The following PRTG variants were observed in gnomAD, a reference collection of about 807,000 sequenced individuals.
PRTG encodes immunoglobulin superfamily, DCC subclass, member 5.
Under a neutral mutation model 122.5 loss-of-function variants are expected in PRTG, and 67 were observed. That is an observed-to-expected ratio of 0.55 (90% CI 0.45 to 0.67). PRTG has a LOEUF of 0.67. Among genes scored for constraint, PRTG ranks in the 30% least tolerant of loss-of-function variants. The pLI, the probability that PRTG is intolerant of heterozygous loss-of-function variation, is 0.00. For synonymous variants in PRTG, 554 were observed against 501.1 expected (o/e 1.11, Z -1.41); for missense variants, 1,435 against 1,415.4 (o/e 1.01, Z -0.22).
chr15:55,620,639 A>AT, intron 19 of PRTG, 24 bp downstream of exon 19: 1 of 1,562,050 alleles, frequency 6.4e-7, no homozygotes, highest in Non-Finnish European at 8.6e-7. Context: ...ATTGCCAAAA[A>AT]TTTTTCTCAT....
intron 2 of PRTG, among the ~76,000 whole-genome samples, chr15:55,721,030 T>C (rs1445198208): frequency 6.6e-6 from 1 of 152,066 alleles, no homozygotes; most frequent in African/African-American, 2.4e-5. Context: ...TTCCCTACAT[T>C]TGCTTCTCCT....
chr15:55,630,211 C>T (rs547985764), intron 15 of PRTG, among the ~76,000 whole-genome samples: 90 of 152,308 alleles, frequency 5.9e-4, no homozygotes, highest in Admixed American at 4.4e-3. Context: ...TGGTCTCGAT[C>T]TCCTGCCCTC....
chr15:55,621,779 A>G (rs1162834257), intron 18 of PRTG, among the ~76,000 whole-genome samples: 2 of 152,224 alleles, frequency 1.3e-5, no homozygotes, highest in Non-Finnish European at 2.9e-5. Context: ...TCCAAAACAC[A>G]TTAAGATACA....
intron 8 of PRTG, among the ~76,000 whole-genome samples, chr15:55,676,274 T>G: frequency 1.0e-5 from 1 of 99,284 alleles, no homozygotes; most frequent in African/African-American, 6.3e-5. Flanking sequence ...CACAGTGAGT[T>G]TTTTTTTTTA....
chr15:55,709,255 C>T (rs1280838401), intron 2 of PRTG, among the ~76,000 whole-genome samples: 3 of 142,206 alleles, frequency 2.1e-5, no homozygotes, highest in Non-Finnish European at 4.5e-5. Context: ...AGTGAAAGGA[C>T]ATGGACATGA....
chr15:55,687,481 T>C (rs2059576748), intron 2 of PRTG, among the ~76,000 whole-genome samples: 1 of 152,208 alleles, frequency 6.6e-6, no homozygotes, highest in Non-Finnish European at 1.5e-5. Context: ...ATCTAACCAA[T>C]CAAACAATAT....
Position 55,679,950 on chromosome 15 carries a change from A to G in PRTG, c.973+104T>C, listed in dbSNP as rs945561382. 3.2e-4 allele frequency: 259 copies of G among 819,090 alleles called. 2 individuals are homozygous for G. Among genetic ancestry groups the G allele is most frequent in the South Asian group, 1.2e-4 (6 of 50,236 alleles). 50.7% of individuals were successfully genotyped at this position (819,090 alleles called of 1,614,324 possible). A position where few individuals can be genotyped will look rare whatever the true frequency, so the allele number is the denominator to read the frequency against. On this transcript the variant is annotated intron_variant, in intron 6 of 19. Coordinates refer to ENST00000389286, the MANE Select transcript of PRTG (RefSeq NM_173814.6). ...ATTCATCATTTGATTACAATACTTC[A>G]TATCAATGCTACAAAGCTCAAGAAA...
Position 55,680,143 on chromosome 15 carries a change from C to A in PRTG, c.884G>T (p.Arg295Met), listed in dbSNP as rs775218622. The A allele has an allele frequency of 1.2e-6, 2 of 1,612,736 alleles. No homozygotes were observed. Among genetic ancestry groups the A allele is most frequent in the Admixed American group, 3.3e-5 (2 of 59,978 alleles). The change falls in exon 6 of 20, where the codon AGG (arginine) becomes ATG (methionine). Residue 295 changes from arginine (R) to methionine (M), a missense_variant. By Grantham distance (91) the Arg-to-Met change is moderately conservative. Transcript: ENST00000389286. ...AACATATACTCCAGCATGTTGTAGC[C>A]TGACATCAGATATCATGAGATTACC... ...GNGNLMISDV[R>M]LQHAGVYVCR...
At chr15:55,696,088 A>C (rs905982924) in intron 2 of PRTG, among the ~76,000 whole-genome samples, 3 of 152,048 alleles carry the variant, frequency 2.0e-5, no homozygotes, top group Non-Finnish European at 4.4e-5. Context: ...TGGGGAACAC[A>C]GGGAGATCCC....
intron 2 of PRTG, among the ~76,000 whole-genome samples, chr15:55,723,983 C>T (rs1001666474): frequency 6.6e-6 from 1 of 152,090 alleles, no homozygotes; most frequent in Admixed American, 6.6e-5. Flanking sequence ...GAACTCCTGA[C>T]CTCATGATCC....
intron 11 of PRTG, among the ~76,000 whole-genome samples, chr15:55,669,873 C>G (rs991697179): frequency 9.8e-5 from 15 of 152,320 alleles, no homozygotes; most frequent in Non-Finnish European, 1.8e-4. Context: ...AGGAAACATG[C>G]AGCTATTTTA....
At chr15:55,643,656 T>C (rs987154759) in intron 11 of PRTG, among the ~76,000 whole-genome samples, 10 of 151,570 alleles carry the variant, frequency 6.6e-5, no homozygotes, top group African/African-American at 2.4e-4. Context: ...ACTCCTGCAC[T>C]CAAGCTATCT....
intron 11 of PRTG, among the ~76,000 whole-genome samples, chr15:55,642,551 T>C (rs1379182091): frequency 1.4e-5 from 2 of 146,364 alleles, no homozygotes; most frequent in South Asian, 4.3e-4. Flanking sequence ...TGAGCCAATA[T>C]TGTACCACTG....
rs1168502875 is a variant in PRTG, at chr15:55,618,948, TA to T, written c.*1063del. ...CTGTTGCATTTACCTTCATTCTTAATAGTTCATGAAATGTCTTCACTCCTTT... is the reference window on the plus strand; with the variant it reads ...CTGTTGCATTTACCTTCATTCTTAATGTTCATGAAATGTCTTCACTCCTTT... On this transcript the variant is annotated 3_prime_UTR_variant, in exon 20 of 20. Coordinates refer to ENST00000389286, the MANE Select transcript of PRTG (RefSeq NM_173814.6). The T allele has an allele frequency of 2.0e-5, 3 of 152,192 alleles. No homozygotes were observed. The highest frequency in any genetic ancestry group is 4.4e-5 in the Non-Finnish European group (3 of 68,030). The allele number at this position is 152,192 out of a possible 1,614,324, so 9.4% of individuals were successfully genotyped here.
intron 15 of PRTG, among the ~76,000 whole-genome samples, chr15:55,630,441 A>T (rs1165520619): frequency 1.3e-5 from 2 of 152,202 alleles, no homozygotes; most frequent in Non-Finnish European, 2.9e-5. Context: ...TTATTGTCAC[A>T]GATTCAAGAT....
At chr15:55,687,319 C>A (rs551177946) in intron 2 of PRTG, among the ~76,000 whole-genome samples, 1 of 152,112 alleles carries the variant, frequency 6.6e-6, no homozygotes. Context: ...TCTATCCCTC[C>A]CATACCAAAG....
Position 55,612,414 on chromosome 15 carries a change from T to C in PRTG, c.*7598A>G, listed in dbSNP as rs993284607. 2.0e-5 allele frequency: 3 copies of C among 151,808 alleles called. No individual in the cohort carries two copies. Among genetic ancestry groups the C allele is most frequent in the African/African-American group, 7.3e-5 (3 of 41,304 alleles). The allele number at this position is 151,808 out of a possible 1,614,324, so 9.4% of individuals were successfully genotyped here. On this transcript the variant is annotated 3_prime_UTR_variant, in exon 20 of 20. Coordinates refer to ENST00000389286, the MANE Select transcript of PRTG (RefSeq NM_173814.6). ...AAATCTGCAAAGCTGTTCAGAATAG[T>C]ATATGGATAAGAAAAAAGGGAAAAT...
At chr15:55,663,774 T>A (rs112344487) in intron 11 of PRTG, among the ~76,000 whole-genome samples, 1,668 of 152,234 alleles carry the variant, frequency 0.011, 33 homozygotes, top group African/African-American at 0.038. Context: ...GCTCCTGACC[T>A]CAGGTGATCC....
At chr15:55,682,234 C>G (rs1486023440) in intron 4 of PRTG, 130 bp downstream of exon 4, 6 of 751,122 alleles carry the variant, frequency 8.0e-6, no homozygotes, top group African/African-American at 3.7e-5. Context: ...TAAAAATGAC[C>G]ATTTTCCAAA....
Sources: gnomAD v4.1 joint callset for allele counts (sites outside exome capture counted in the v4.1 genomes callset) on GRCh38, gnomAD v4.1.1 for gene constraint, MANE v1.5 for transcripts, NCBI Gene and HGNC (gene_info 2026-07-23, HGNC 2026-07-21) for gene names.